MYO15A: variants seen among roughly 807,000 people sequenced by gnomAD.
MYO15A encodes the protein myosin XVA, also known as unconventional myosin-XV.
MYO15A carries 308 observed loss-of-function variants against 394.6 expected under a neutral mutation model. The observed-to-expected ratio is 0.78, with a 90% CI of 0.71 to 0.86. MYO15A has a LOEUF of 0.86. Among genes scored for constraint, MYO15A ranks in the 40% least tolerant of loss-of-function variants. MYO15A has a pLI of 0.00. For missense variants in MYO15A, 4,606 were observed against 4,799.1 expected (o/e 0.96, Z 1.19); for synonymous variants, 1,957 against 2,003.8 (o/e 0.98, Z 0.62).
Position 18,121,052 on chromosome 17 carries a change from G to A in MYO15A, c.2252G>A (p.Arg751Lys). 2 of 1,509,200 alleles carry A rather than the reference G, an allele frequency of 1.3e-6. No individual in the cohort carries two copies. Among genetic ancestry groups the A allele is most frequent in the Non-Finnish European group, 1.8e-6 (2 of 1,133,614 alleles). The allele number at this position is 1,509,200 out of a possible 1,614,324, so 93.5% of individuals were successfully genotyped here. A position where few individuals can be genotyped will look rare whatever the true frequency, so the allele number is the denominator to read the frequency against. Residue 751 changes from arginine to lysine, a missense_variant, in exon 2 of 66, where the codon AGA (arginine) becomes AAA (lysine). Coordinates refer to ENST00000647165, the MANE Select transcript of MYO15A (RefSeq NM_016239.4). The surrounding 1 kb of genome is among the most constrained non-coding windows in gnomAD (Gnocchi z 5.3). ...PRPSFRGSRR[R>K]GAAFGFPGAS... ...CCCTCGTTCAGGGGCTCCCGCCGGA[G>A]AGGGGCGGCTTTCGGCTTCCCCGGG...
chr17:18,125,574 C>T lies in MYO15A; in HGVS notation c.3756+343C>T, dbSNP rs921152498. On this transcript the variant is annotated intron_variant, in intron 4 of 65. Transcript: ENST00000647165. ...AAAAATTAGCCAGGTGTAGGTGGTG[C>T]ATGCCTGTAGTCCCAGCTACTTGGG... The T allele has an allele frequency of 5.7e-5, 19 of 332,108 alleles. No homozygotes were observed. The Admixed American group carries it at 7.6e-4, about 13-fold the overall frequency. The allele number at this position is 332,108 out of a possible 1,614,324, so 20.6% of individuals were successfully genotyped here.
In MYO15A at chr17:18,167,519, C is replaced by G; in HGVS notation, c.9949-71C>G. The G allele has an allele frequency of 1.9e-6, 3 of 1,596,646 alleles. No individual in the cohort carries two copies. The South Asian group carries it at 3.3e-5, about 18-fold the overall frequency. On this transcript the variant is annotated intron_variant, in intron 61 of 65. Coordinates refer to ENST00000647165, the MANE Select transcript of MYO15A (RefSeq NM_016239.4). ...CTGCAATCATTAAACATGCATGTCC[C>G]CAGGTCCCCTGCAGCCAAGTGCCTG...
intron 1 of MYO15A, among the ~76,000 whole-genome samples, chr17:18,116,747 C>T (rs1031015990): frequency 6.6e-6 from 1 of 152,068 alleles, no homozygotes; most frequent in Non-Finnish European, 1.5e-5. Flanking sequence ...ATGGTAAAAA[C>T]CGTCTCTACT....
rs1209964697 is a variant in MYO15A at position 18,140,527 on chromosome 17, A to G, written c.5222A>G (p.His1741Arg). 1.9e-6 allele frequency: 3 copies of G among 1,613,332 alleles called. No homozygotes were observed. The highest frequency in any genetic ancestry group is 2.5e-6 in the Non-Finnish European group (3 of 1,179,992). ...FVRSRTRVVAHLFSSHAPQAA... is the reference protein window; with the variant it reads ...FVRSRTRVVARLFSSHAPQAA... ...CCGACCCCTGCCCAGGTGGTGGCAC[A>G]CCTCTTCTCCAGCCATGCCCCACAG... The change falls in exon 20 of 66, where the codon CAC (histidine) becomes CGC (arginine). Residue 1741 changes from histidine to arginine, a missense_variant. By Grantham distance (29) the His-to-Arg change is conservative. Transcript: ENST00000647165.
rs754316642 is a variant in MYO15A, at chr17:18,121,698, G to T, written c.2898G>T (p.Gln966His). The T allele has an allele frequency of 6.3e-7, 1 of 1,589,528 alleles. No individual in the cohort carries two copies. ...CTGTGCCGGAAAACCCCTTTCTCCA[G>T]CTCCTGGGCCCTGTGCCATCCCCCA... ...PPPVPENPFL[Q>H]LLGPVPSPTL... The change falls in exon 2 of 66, where the codon CAG becomes CAT. Residue 966 changes from glutamine to histidine, a missense_variant. Around this residue, in one of 2 missense-constraint regions of MYO15A, gnomAD observed 1,830 missense variants for 1,689.7 expected, o/e 1.08. Transcript: ENST00000647165. This position sits in a 1 kb window ranked among gnomAD's most constrained non-coding sequence, Gnocchi z 5.3.
rs1221430324 is a variant in MYO15A, at chr17:18,126,846, A to G, written c.3922A>G (p.Asn1308Asp). Residue 1308 changes from asparagine (N) to aspartate (D), a missense_variant, in exon 6 of 66, where the codon AAC (asparagine) becomes GAC (aspartate). Transcript: ENST00000647165. ...CGCCAAAATGCTCGATGCCAAACAG[A>G]ACCAGTGCATAATCATTAGGTGAGT... Reference protein sequence around the residue: ...AFAKMLDAKQNQCIIISGESG... With the variant: ...AFAKMLDAKQDQCIIISGESG... 2 of 1,613,998 alleles carry G rather than the reference A, an allele frequency of 1.2e-6. No homozygotes were observed. The highest frequency in any genetic ancestry group is 1.1e-5 in the South Asian group (1 of 91,074).
At chr17:18,168,004 G>T (rs2046879719) in intron 62 of MYO15A, among the ~76,000 whole-genome samples, 1 of 152,220 alleles carries the variant, frequency 6.6e-6, no homozygotes, top group African/African-American at 2.4e-5. Context: ...CATGTTCCCT[G>T]TGGTCCAGGA....
chr17:18,154,899 C>G (rs752284251), intron 45 of MYO15A, 144 bp downstream of exon 45: 6 of 1,056,724 alleles, frequency 5.7e-6, no homozygotes, highest in Non-Finnish European at 8.4e-6. Flanking sequence ...TCTGGCCTCT[C>G]GCATGGCCGG....
Position 18,121,567 on chromosome 17 carries a change from C to A in MYO15A, c.2767C>A (p.Pro923Thr), listed in dbSNP as rs779655823. Reference protein sequence around the residue: ...PEDSETPWTVPPLAPSWDVDM... With the variant: ...PEDSETPWTVTPLAPSWDVDM... ...GGACTCAGAGACGCCCTGGACTGTG[C>A]CCCCACTGGCCCCCAGCTGGGACGT... Residue 923 changes from proline to threonine, a missense_variant, in exon 2 of 66, where the codon CCC becomes ACC. Pro to Thr is a conservative substitution (Grantham distance 38). Transcript: ENST00000647165. This position sits in a 1 kb window ranked among gnomAD's most constrained non-coding sequence, Gnocchi z 5.3. 1 of 1,589,188 alleles carries A rather than the reference C, an allele frequency of 6.3e-7. No individual in the cohort carries two copies. Among genetic ancestry groups the A allele is most frequent in the Non-Finnish European group, 8.6e-7 (1 of 1,167,912 alleles).
chr17:18,177,114 T>C (rs1434515177), intron 65 of MYO15A: 1 of 152,302 alleles, frequency 6.6e-6, no homozygotes, highest in Non-Finnish European at 1.5e-5. Flanking sequence ...CTGGCCTGTA[T>C]GTGTCAGGGG....
rs1308038491 is a variant in MYO15A at position 18,120,637 on chromosome 17, A to G, written c.1837A>G (p.Lys613Glu). ...REAAYKRFGY[K>E]LAGMDPEKPG... Reference sequence around the variant, plus strand: ...GGCGGCCTACAAACGCTTCGGCTACAAGCTGGCTGGCATGGACCCCGAGAA... The same window carrying G: ...GGCGGCCTACAAACGCTTCGGCTACGAGCTGGCTGGCATGGACCCCGAGAA... The change falls in exon 2 of 66, where the codon AAG (lysine) becomes GAG (glutamate). Residue 613 changes from lysine to glutamate, a missense_variant. Lys to Glu is a moderately conservative substitution (Grantham distance 56, BLOSUM62 1). Coordinates refer to ENST00000647165, the MANE Select transcript of MYO15A (RefSeq NM_016239.4). 6 of 1,595,870 alleles carry G rather than the reference A, an allele frequency of 3.8e-6. No individual in the cohort carries two copies. Among genetic ancestry groups the G allele is most frequent in the Non-Finnish European group, 5.1e-6 (6 of 1,174,282 alleles).
At chr17:18,163,070 A>G (rs1294667774) in intron 58 of MYO15A, among the ~76,000 whole-genome samples, 174 bp from the exon 59 acceptor site, 1 of 152,228 alleles carries the variant, frequency 6.6e-6, no homozygotes, top group Non-Finnish European at 1.5e-5. Context: ...CCTCTCTGTC[A>G]GGTGCATTGC....
At position 18,132,333 on chromosome 17, in the gene MYO15A, T is replaced by C; in HGVS notation, c.4207-120T>C. On this transcript the variant is annotated intron_variant, in intron 10 of 65. Transcript: ENST00000647165. The surrounding 1 kb of genome is among the most constrained non-coding windows in gnomAD (Gnocchi z 4.6). ...GCCTCACCCATCACAGAGGCGCGTGTTCTCATCTGCAGCCCACTGTGTGCA... is the reference window on the plus strand; with the variant it reads ...GCCTCACCCATCACAGAGGCGCGTGCTCTCATCTGCAGCCCACTGTGTGCA... The C allele has an allele frequency of 2.5e-6, 2 of 784,644 alleles. No individual in the cohort carries two copies. The highest frequency in any genetic ancestry group is 2.6e-5 in the East Asian group (1 of 38,476). 48.6% of individuals were successfully genotyped at this position (784,644 alleles called of 1,614,324 possible). A position where few individuals can be genotyped will look rare whatever the true frequency, so the allele number is the denominator to read the frequency against.
chr17:18,157,615 T>A, intron 50 of MYO15A, 107 bp from the exon 51 acceptor site: 3 of 1,557,306 alleles, frequency 1.9e-6, no homozygotes, highest in Non-Finnish European at 2.6e-6. Context: ...GCCTGCCTCA[T>A]AGAGTTCCAG....
intron 7 of MYO15A, among the ~76,000 whole-genome samples, chr17:18,129,650 C>G (rs768558310): frequency 2.0e-5 from 3 of 152,198 alleles, no homozygotes; most frequent in South Asian, 2.1e-4. Context: ...GCTCATCACT[C>G]GAGTGGACTC....
rs2046575067 is a variant in MYO15A at position 18,151,203 on chromosome 17, C to A, written c.7567C>A (p.Pro2523Thr). ...LLRATPKPLA[P>T]APLAKAPRLP... ...GCGTGCCACTCCAAAGCCCTTGGCCCCAGCCCCTCTGGCCAAGGCTCCAAG... is the reference window on the plus strand; with the variant it reads ...GCGTGCCACTCCAAAGCCCTTGGCCACAGCCCCTCTGGCCAAGGCTCCAAG... The change falls in exon 39 of 66, where the codon CCA (proline) becomes ACA (threonine). Residue 2523 changes from proline (P) to threonine (T), a missense_variant. By Grantham distance (38) the Pro-to-Thr change is conservative. Around this residue, in one of 2 missense-constraint regions of MYO15A, gnomAD observed 2,776 missense variants for 3,109.3 expected, o/e 0.89. Coordinates refer to ENST00000647165, the MANE Select transcript of MYO15A (RefSeq NM_016239.4). 1.2e-6 allele frequency: 2 copies of A among 1,614,170 alleles called. No homozygotes were observed. The highest frequency in any genetic ancestry group is 1.7e-6 in the Non-Finnish European group (2 of 1,180,032).
Position 18,121,975 on chromosome 17 carries a change from C to T in MYO15A, c.3175C>T (p.Pro1059Ser), listed in dbSNP as rs752122074. Residue 1059 changes from proline to serine, a missense_variant, in exon 2 of 66, where the codon CCC (proline) becomes TCC (serine). Around this residue, in one of 2 missense-constraint regions of MYO15A, gnomAD observed 1,830 missense variants for 1,689.7 expected, o/e 1.08. Transcript: ENST00000647165. This position sits in a 1 kb window ranked among gnomAD's most constrained non-coding sequence, Gnocchi z 5.3. Reference protein sequence around the residue: ...DVLPEQKTLRPSLSYPLAACD... With the variant: ...DVLPEQKTLRSSLSYPLAACD... ...CCTCCCAGAGCAAAAGACATTAAGGCCCAGCCTCTCATACCCACTGGCTGC... is the reference window on the plus strand; with the variant it reads ...CCTCCCAGAGCAAAAGACATTAAGGTCCAGCCTCTCATACCCACTGGCTGC... 6.2e-7 allele frequency: 1 copy of T among 1,613,076 alleles called. No individual in the cohort carries two copies. The highest frequency in any genetic ancestry group is 8.5e-7 in the Non-Finnish European group (1 of 1,180,004).
chr17:18,168,425 A>G (rs1007307268), intron 62 of MYO15A, among the ~76,000 whole-genome samples: 1 of 152,058 alleles, frequency 6.6e-6, no homozygotes, highest in Non-Finnish European at 1.5e-5. Context: ...TTAGCCAGGC[A>G]TGGTGGCAGG....
chr17:18,161,326 C>T lies in MYO15A; in HGVS notation c.9396C>T (p.Cys3132=), dbSNP rs536921286. Residue 3132 remains cysteine, a synonymous_variant, in exon 57 of 66, where the codon TGC becomes TGT. Transcript: ENST00000647165. Reference sequence around the variant, plus strand: ...CCATGTGTCCTTGCAGGGACAGCTGCCAGCGAGGCTGGAGGCTGCTGTATA... The same window carrying T: ...CCATGTGTCCTTGCAGGGACAGCTGTCAGCGAGGCTGGAGGCTGCTGTATA... The part of the protein sequence containing the change: ...TDNTSSKQDS[C]QRGWRLLYIV... 39 of 1,613,980 alleles carry T rather than the reference C, an allele frequency of 2.4e-5. No homozygotes were observed. The South Asian group carries it at 4.2e-4, about 17-fold the overall frequency.
Sources: allele counts gnomAD v4.1 joint callset (sites outside exome capture counted in the v4.1 genomes callset), GRCh38; gene constraint gnomAD v4.1.1; regional missense constraint gnomAD v4.1.1; non-coding constraint Gnocchi (gnomAD v3.1); transcripts MANE v1.5; gene names NCBI Gene and HGNC (gene_info 2026-07-23, HGNC 2026-07-21).